The following WWC2 variants were observed in gnomAD, a reference collection of about 807,000 sequenced individuals.
WWC2 encodes WW and C2 domain containing 2, also known as protein WWC2.
A neutral mutation model predicts 138.5 loss-of-function variants in WWC2; 101 were observed. That is an observed-to-expected ratio of 0.73 (90% confidence interval 0.62 to 0.86). WWC2 has a LOEUF of 0.86. Among genes scored for constraint, WWC2 ranks in the 40% least tolerant of loss-of-function variants. The pLI is 0.00. For synonymous variants in WWC2, 558 were observed against 538.4 expected, an observed-to-expected ratio of 1.04 and a Z score of -0.50; for missense variants, 1,420 against 1,419.4, an observed-to-expected ratio of 1.00 and a Z score of -0.01.
intron 21 of WWC2, among the ~76,000 whole-genome samples, chr4:183,294,129 A>G (rs1738554982): frequency 6.6e-6 from 1 of 152,168 alleles, no homozygotes; most frequent in African/African-American, 2.4e-5. Context: ...GAAATAAATG[A>G]TGTATTTGCA....
At chr4:183,241,785 G>C (rs1013379931) in intron 5 of WWC2, among the ~76,000 whole-genome samples, 11 of 152,058 alleles carry the variant, frequency 7.2e-5, no homozygotes, top group Non-Finnish European at 1.0e-4. Flanking sequence ...CGTGGTGGGG[G>C]TGGGGAGAGA....
intron 16 of WWC2, among the ~76,000 whole-genome samples, chr4:183,279,459 T>C (rs1036369481): frequency 1.3e-5 from 2 of 152,092 alleles, no homozygotes; most frequent in Admixed American, 6.6e-5. Context: ...TGTCTCTGCC[T>C]GGCTTTGGTA....
chr4:183,271,331 C>A, intron 16 of WWC2, 90 bp downstream of exon 16: 1 of 1,063,376 alleles, frequency 9.4e-7, no homozygotes, highest in Non-Finnish European at 1.3e-6. Context: ...TGGAATGCTA[C>A]GAGACCAACA....
At chr4:183,184,419 T>A (rs1443682293) in intron 1 of WWC2, among the ~76,000 whole-genome samples, 1 of 152,224 alleles carries the variant, frequency 6.6e-6, no homozygotes, top group Non-Finnish European at 1.5e-5. Flanking sequence ...TTGGCTATTA[T>A]GAATAATGCT....
At chr4:183,149,427 A>T (rs1404804236) in intron 1 of WWC2, among the ~76,000 whole-genome samples, 1 of 152,156 alleles carries the variant, frequency 6.6e-6, no homozygotes, top group African/African-American at 2.4e-5. Flanking sequence ...GTTTGAGACC[A>T]GCCTGACCAA....
rs543688060 is a variant in WWC2 at position 183,105,069 on chromosome 4, C to T, written c.131+5447C>T. The stretch of plus-strand genomic sequence containing the variant: ...TTACAGGTGCACGCCACCCTGTACC[C>T]GGCTAATTTTTGTATTTTTAGTAGA... On this transcript the variant is annotated intron_variant, in intron 1 of 22. Coordinates refer to ENST00000403733, the MANE Select transcript of WWC2 (RefSeq NM_024949.6). Among the ~76,000 whole-genome samples, 354 of 152,216 alleles carry T rather than the reference C, an allele frequency of 2.3e-3. 3 individuals carry two copies. Among genetic ancestry groups the T allele is most frequent in the Non-Finnish European group, 3.5e-3 (240 of 68,004 alleles).
intron 15 of WWC2, among the ~76,000 whole-genome samples, chr4:183,270,364 CTG>C (rs1737659765): frequency 6.6e-6 from 1 of 152,026 alleles, no homozygotes; most frequent in African/African-American, 2.4e-5. Context: ...CTAAAGAAAA[CTG>C]TTGCTTTTTG....
chr4:183,133,793 C>T (rs904043425), intron 1 of WWC2, among the ~76,000 whole-genome samples: 8 of 152,190 alleles, frequency 5.3e-5, no homozygotes, highest in Admixed American at 3.9e-4. Flanking sequence ...CCATGCCCCG[C>T]CTTCTCATGT....
rs1478447923 is a variant in WWC2 at position 183,248,635 on chromosome 4, C to T, written c.733-79C>T. 4 of 1,402,742 alleles carry T rather than the reference C, an allele frequency of 2.9e-6. No individual in the cohort carries two copies. The African/African-American group carries it at 5.7e-5, about 20-fold the overall frequency. 86.9% of individuals were successfully genotyped at this position (1,402,742 alleles called of 1,614,324 possible). On this transcript the variant is annotated intron_variant, in intron 6 of 22. Transcript: ENST00000403733. ...TTTTTTCCATTGAGATTAGCTCTTT[C>T]CTTTTAATTTCACCTGGTAGGGAAG...
At chr4:183,166,454 C>T (rs1257758099) in intron 1 of WWC2, among the ~76,000 whole-genome samples, 4 of 152,146 alleles carry the variant, frequency 2.6e-5, no homozygotes, top group African/African-American at 9.7e-5. Context: ...TTTTGTGAGC[C>T]ATAGTGTTTT....
intron 5 of WWC2, 35 bp downstream of exon 5, chr4:183,240,297 A>C: frequency 6.7e-7 from 1 of 1,485,348 alleles, no homozygotes; most frequent in East Asian, 2.5e-5. Flanking sequence ...CTTTAGAATA[A>C]GCTCCCTAAC....
intron 21 of WWC2, among the ~76,000 whole-genome samples, chr4:183,306,372 TG>T (rs1739023680): frequency 6.6e-6 from 1 of 152,222 alleles, no homozygotes; most frequent in African/African-American, 2.4e-5. Flanking sequence ...AGCTGTATTT[TG>T]TATGTAGGAA....
At chr4:183,188,635 G>T (rs1734888803) in intron 1 of WWC2, among the ~76,000 whole-genome samples, 2 of 133,226 alleles carry the variant, frequency 1.5e-5, no homozygotes, top group Non-Finnish European at 1.5e-5. Flanking sequence ...TCTCTCTCTT[G>T]CTCCTTTCTT....
Position 183,146,893 on chromosome 4 carries a change from A to C in WWC2, c.132-46706A>C, listed in dbSNP as rs150462885. ...GCAAGGATCAGAAAATGGGATCCTT[A>C]GTCAATCATGGGAGGGTACTGCATA... is the stretch of plus-strand genomic sequence containing the variant. On this transcript the variant is annotated intron_variant, in intron 1 of 22. Coordinates refer to ENST00000403733, the MANE Select transcript of WWC2 (RefSeq NM_024949.6). 5.3e-5 allele frequency among the ~76,000 whole-genome samples: 8 copies of C among 152,340 alleles called. No homozygotes were observed. The East Asian group carries it at 1.5e-3, about 29-fold the overall frequency.
chr4:183,134,670 A>C (rs1207316878), intron 1 of WWC2, among the ~76,000 whole-genome samples: 1 of 152,094 alleles, frequency 6.6e-6, no homozygotes, highest in African/African-American at 2.4e-5. Context: ...TTTTTCACAT[A>C]ATTCTCATGA....
intron 1 of WWC2, among the ~76,000 whole-genome samples, chr4:183,169,860 G>A (rs1268454135): frequency 6.6e-6 from 1 of 152,128 alleles, no homozygotes; most frequent in African/African-American, 2.4e-5. Context: ...GTAAAATTAT[G>A]TTTTCATTGC....
At chr4:183,262,345 C>G (rs969194544) in intron 11 of WWC2, among the ~76,000 whole-genome samples, 6 of 152,220 alleles carry the variant, frequency 3.9e-5, no homozygotes, top group Non-Finnish European at 8.8e-5. Flanking sequence ...CAGTGCTCAT[C>G]TACAGCTGTC....
At chr4:183,194,393 T>C (rs1018299920) in intron 2 of WWC2, among the ~76,000 whole-genome samples, 7 of 152,134 alleles carry the variant, frequency 4.6e-5, no homozygotes, top group African/African-American at 1.7e-4. Flanking sequence ...TCTAGCACTC[T>C]ATCTACTCCT....
At chr4:183,131,181 G>T (rs987145291) in intron 1 of WWC2, among the ~76,000 whole-genome samples, 3 of 152,014 alleles carry the variant, frequency 2.0e-5, no homozygotes, top group Non-Finnish European at 4.4e-5. Context: ...ACAAACTCCC[G>T]TGTAAACTTC....
Sources: allele counts gnomAD v4.1 joint callset (sites outside exome capture counted in the v4.1 genomes callset), GRCh38; gene constraint gnomAD v4.1.1; transcripts MANE v1.5; gene names NCBI Gene and HGNC (gene_info 2026-07-23, HGNC 2026-07-21).